Variants in GLB1L3 observed in about 807,000 individuals in gnomAD.
GLB1L3 encodes the protein beta-galactosidase-1-like protein 3.
In GLB1L3, 89 loss-of-function variants were observed where a neutral mutation model predicts 89.5. The ratio of observed to expected loss-of-function variants is 0.99; its 90% CI spans 0.84 to 1.19. The LOEUF (loss-of-function observed/expected upper bound fraction) is 1.19. Ranked by LOEUF, GLB1L3 falls within the 50% of genes most tolerant of loss-of-function variation. The pLI, the probability that GLB1L3 is intolerant of heterozygous loss-of-function variation, is 0.00. For synonymous variants in GLB1L3, 314 were observed against 312.3 expected, an observed-to-expected ratio of 1.01 and a Z score of -0.06; for missense variants, 812 against 813.3, an observed-to-expected ratio of 1.00 and a Z score of 0.02.
At chr11:134,312,539 A>G (rs1325913664) in intron 14 of GLB1L3, 50 bp downstream of exon 14, 12 of 1,593,826 alleles carry the variant, frequency 7.5e-6, no homozygotes, top group Non-Finnish European at 9.4e-6. Context: ...TCACCTCCCC[A>G]TGCTGTCGGG....
chr11:134,314,997 A>G (rs1203277521), intron 18 of GLB1L3, among the ~76,000 whole-genome samples: 1 of 152,244 alleles, frequency 6.6e-6, no homozygotes, highest in Non-Finnish European at 1.5e-5. Context: ...CTGAAAGTTA[A>G]AAATATTGTT....
chr11:134,282,599 G>A lies in GLB1L3; in HGVS notation c.527+479G>A, dbSNP rs191325899. 3.0e-3 allele frequency among the ~76,000 whole-genome samples: 452 copies of A among 152,290 alleles called. 1 individual carries two copies. The highest frequency in any genetic ancestry group is 5.1e-3 in the Non-Finnish European group (347 of 68,004). On this transcript the variant is annotated intron_variant, in intron 5 of 19. Coordinates refer to ENST00000431683, the MANE Select transcript of GLB1L3 (RefSeq NM_001080407.3). ...GTGAGGGGAAGGCTTGCCTTTCCAT[G>A]CAGTGAGACCACCCTCAGCTCCCCT...
chr11:134,318,243 C>A (rs1445073751), intron 18 of GLB1L3, among the ~76,000 whole-genome samples: 2 of 152,154 alleles, frequency 1.3e-5, no homozygotes, highest in East Asian at 3.9e-4. Context: ...TCTTCTAGAT[C>A]TTGATCCTGT....
At position 134,281,721 on chromosome 11, in the gene GLB1L3, G is replaced by A. The variant is rs569980376; in HGVS notation, c.431+276G>A. Among the ~76,000 whole-genome samples, 11 of 80,562 alleles carry A rather than the reference G, an allele frequency of 1.4e-4. 2 individuals are homozygous for A. Among genetic ancestry groups the A allele is most frequent in the South Asian group, 4.7e-4 (1 of 2,112 alleles). The allele number at this position is 80,562 out of a possible 152,430, so 52.9% of individuals were successfully genotyped here. On this transcript the variant is annotated intron_variant, in intron 4 of 19. Transcript: ENST00000431683. Reference sequence around the variant, plus strand: ...CGCCCGACTCTGCATGGGGTCTGGCGCCTGGGCTGGGGCAGGGCGGCCCCT... The same window carrying A: ...CGCCCGACTCTGCATGGGGTCTGGCACCTGGGCTGGGGCAGGGCGGCCCCT...
chr11:134,323,627 C>T (rs1943191985), downstream of GLB1L3, among the ~76,000 whole-genome samples: 1 of 151,918 alleles, frequency 6.6e-6, no homozygotes, highest in African/African-American at 2.4e-5. Flanking sequence ...CTTTCATTTC[C>T]ACAGAAAGGT....
chr11:134,309,795 C>T, intron 11 of GLB1L3, 32 bp downstream of exon 11: 4 of 1,608,316 alleles, frequency 2.5e-6, no homozygotes, highest in Non-Finnish European at 3.4e-6. Context: ...GCCTCTCCAG[C>T]ATGGGCGGTG....
At chr11:134,287,132 G>T (rs1238337107) in intron 6 of GLB1L3, 2 of 152,262 alleles carry the variant, frequency 1.3e-5, no homozygotes, top group Non-Finnish European at 1.5e-5. Context: ...CCGCACTCCA[G>T]CCTGGGCGCC....
intron 9 of GLB1L3, among the ~76,000 whole-genome samples, chr11:134,295,013 G>A (rs553476710): frequency 2.0e-5 from 3 of 152,320 alleles, no homozygotes; most frequent in African/African-American, 7.2e-5. Context: ...GCCAGATTCA[G>A]TTTATTCATA....
At chr11:134,318,192 T>C (rs1313082519) in intron 18 of GLB1L3, among the ~76,000 whole-genome samples, 2 of 152,206 alleles carry the variant, frequency 1.3e-5, no homozygotes, top group African/African-American at 4.8e-5. Flanking sequence ...GTGCCTCTAG[T>C]GGAAAAACTG....
chr11:134,286,932 G>C (rs1282091978), intron 6 of GLB1L3, among the ~76,000 whole-genome samples: 1 of 151,458 alleles, frequency 6.6e-6, no homozygotes, highest in Non-Finnish European at 1.5e-5. Flanking sequence ...AGGCCGAGGT[G>C]GGTGGATCAC....
intron 9 of GLB1L3, among the ~76,000 whole-genome samples, chr11:134,294,861 C>G (rs1565401201): frequency 6.6e-6 from 1 of 152,198 alleles, no homozygotes; most frequent in African/African-American, 2.4e-5. Flanking sequence ...GCTTGACTGT[C>G]ACGTACGTAA....
Position 134,310,422 on chromosome 11 carries a change from C to T in GLB1L3, c.1100-149C>T, listed in dbSNP as rs1942666466. 8.0e-6 allele frequency: 5 copies of T among 625,574 alleles called. No homozygotes were observed. In the South Asian group the frequency reaches 9.3e-5, roughly 12 times the overall value. 38.8% of individuals were successfully genotyped at this position (625,574 alleles called of 1,614,324 possible). ...CCCAGGAAGAGTTGTGGGGAATGTC[C>T]TTAGACTGGCATCACACACCCACGT... On this transcript the variant is annotated intron_variant, in intron 11 of 19. Transcript: ENST00000431683.
At chr11:134,320,498 A>G (rs952597492), downstream of GLB1L3, among the ~76,000 whole-genome samples, 1 of 152,192 alleles carries the variant, frequency 6.6e-6, no homozygotes, top group African/African-American at 2.4e-5. Flanking sequence ...ACTTAACAAC[A>G]ACCATGCAAC....
Position 134,307,151 on chromosome 11 carries a change from T to C in GLB1L3, c.904T>C (p.Tyr302His). Residue 302 changes from tyrosine (Y) to histidine (H), a missense_variant, in exon 10 of 20, where the codon TAC becomes CAC. Tyr to His is a moderately conservative substitution (Grantham distance 83). This residue lies in a region of GLB1L3 where 618 missense variants were observed against 604.0 expected (regional missense o/e 1.02). Transcript: ENST00000431683. ...QRDKPLLIME[Y>H]WVGWFDRWGD... Reference sequence around the variant, plus strand: ...AGATAAGCCCCTTCTGATTATGGAATACTGGGTCGGCTGGTTCGACAGATG... The same window carrying C: ...AGATAAGCCCCTTCTGATTATGGAACACTGGGTCGGCTGGTTCGACAGATG... 2 of 1,613,778 alleles carry C rather than the reference T, an allele frequency of 1.2e-6. No individual in the cohort carries two copies. Among genetic ancestry groups the C allele is most frequent in the Middle Eastern group, 1.6e-4 (1 of 6,062 alleles).
rs760544356 is a variant in GLB1L3 at position 134,309,721 on chromosome 11, G to C, written c.1057G>C (p.Ala353Pro). 6.2e-7 allele frequency: 1 copy of C among 1,613,362 alleles called. No individual in the cohort carries two copies. The highest frequency in any genetic ancestry group is 2.2e-5 in the East Asian group (1 of 44,872). ...GGTNFGFMNG[A>P]TYFGKHSGIV... ...AACCAACTTTGGTTTCATGAACGGG[G>C]CCACATATTTCGGGAAGCACTCGGG... The change falls in exon 11 of 20, where the codon GCC (alanine) becomes CCC (proline). Residue 353 changes from alanine (A) to proline (P), a missense_variant. By Grantham distance (27) the Ala-to-Pro change is conservative. Around this residue, in one of 3 missense-constraint regions of GLB1L3, gnomAD observed 618 missense variants for 604.0 expected, o/e 1.02. Coordinates refer to ENST00000431683, the MANE Select transcript of GLB1L3 (RefSeq NM_001080407.3).
intron 9 of GLB1L3, among the ~76,000 whole-genome samples, chr11:134,299,317 C>T (rs1383652162): frequency 2.6e-5 from 4 of 152,022 alleles, no homozygotes; most frequent in African/African-American, 4.8e-5. Context: ...CTGATGATTG[C>T]TTTATCTCTT....
intron 5 of GLB1L3, among the ~76,000 whole-genome samples, 192 bp downstream of exon 5, chr11:134,282,312 G>A (rs1444084763): frequency 6.6e-6 from 1 of 152,170 alleles, no homozygotes; most frequent in Non-Finnish European, 1.5e-5. Context: ...GGGGGGCGGG[G>A]TGCAGTTGTC....
intron 18 of GLB1L3, chr11:134,317,056 A>ATG (rs1380706898): frequency 6.6e-6 from 1 of 152,316 alleles, no homozygotes; most frequent in Non-Finnish European, 1.5e-5. Context: ...TCTGGGGGCC[A>ATG]TGTTGTTGCC....
chr11:134,279,106 TAAG>T (rs1940539867), intron 3 of GLB1L3, among the ~76,000 whole-genome samples: 1 of 152,318 alleles, frequency 6.6e-6, no homozygotes, highest in East Asian at 1.9e-4. Flanking sequence ...AATCTTATAA[TAAG>T]CTCATAAAGT....
Sources: gnomAD v4.1 joint callset for allele counts (sites outside exome capture counted in the v4.1 genomes callset) on GRCh38, gnomAD v4.1.1 for gene constraint, gnomAD v4.1.1 regional missense constraint, MANE v1.5 for transcripts, NCBI Gene and HGNC (gene_info 2026-07-23, HGNC 2026-07-21) for gene names.